The following ANO4 variants were observed in gnomAD, a reference collection of about 807,000 sequenced individuals.
ANO4 encodes anoctamin-4.
In ANO4, 69 loss-of-function variants were observed where a neutral mutation model predicts 141.9. The observed-to-expected ratio is 0.49, with a 90% CI of 0.40 to 0.59. The LOEUF (loss-of-function observed/expected upper bound fraction) is 0.59. Among genes scored for constraint, ANO4 ranks in the 20% least tolerant of loss-of-function variants. The probability of loss-of-function intolerance (pLI) is 0.00; values close to 1 mark genes in which losing one functional copy is unlikely to be tolerated. For missense variants in ANO4, 894 were observed against 1,162.2 expected (o/e 0.77, Z 3.36); for synonymous variants, 350 against 394.3 (o/e 0.89, Z 1.33).
chr12:100,857,703 C>T (rs753495554), intron 1 of ANO4, among the ~76,000 whole-genome samples: 14 of 152,058 alleles, frequency 9.2e-5, no homozygotes, highest in Admixed American at 2.0e-4. Context: ...CCTCTATATC[C>T]GCTGTGTTTG....
chr12:100,811,921 T>C (rs1384733928), intron 1 of ANO4, among the ~76,000 whole-genome samples: 1 of 152,192 alleles, frequency 6.6e-6, no homozygotes, highest in African/African-American at 2.4e-5. Flanking sequence ...TAGCACTAAC[T>C]GGCCCCTGTT....
At chr12:100,983,853 CAT>C (rs1353996926) in intron 7 of ANO4, among the ~76,000 whole-genome samples, 1 of 152,202 alleles carries the variant, frequency 6.6e-6, no homozygotes, top group East Asian at 1.9e-4. Flanking sequence ...TGCCATGTAA[CAT>C]AACATATTCA....
chr12:100,928,158 G>A (rs967133205), intron 3 of ANO4, among the ~76,000 whole-genome samples: 1 of 139,566 alleles, frequency 7.2e-6, no homozygotes, highest in African/African-American at 2.6e-5. Context: ...AGATGGCAGG[G>A]TATGGGGTAT....
chr12:100,813,436 G>T (rs569035022), intron 1 of ANO4, among the ~76,000 whole-genome samples: 1 of 152,068 alleles, frequency 6.6e-6, no homozygotes, highest in East Asian at 1.9e-4. Flanking sequence ...TCACCTTCCC[G>T]TTTACAATCC....
intron 3 of ANO4, among the ~76,000 whole-genome samples, chr12:100,775,772 C>G (rs2033480288): frequency 6.6e-6 from 1 of 152,048 alleles, no homozygotes; most frequent in African/African-American, 2.4e-5. Flanking sequence ...AACACCTAGT[C>G]CAGATTTTTT....
At chr12:101,015,229 TC>T (rs1439667470) in intron 8 of ANO4, among the ~76,000 whole-genome samples, 1 of 152,168 alleles carries the variant, frequency 6.6e-6, no homozygotes, top group Non-Finnish European at 1.5e-5. Flanking sequence ...CACCCAGTTC[TC>T]CCCAGAGGCA....
chr12:101,111,712 T>C lies in ANO4; in HGVS notation c.2450+2T>C, dbSNP rs752777791. 1 of 1,587,256 alleles carries C rather than the reference T, an allele frequency of 6.3e-7. No individual in the cohort carries two copies. The highest frequency in any genetic ancestry group is 8.5e-7 in the Non-Finnish European group (1 of 1,170,110). ...AGGCCAAGGAGAAGCTGGGCAAAAG[T>C]AAGTTTGCTATAAAACCACTATACA... is the stretch of plus-strand genomic sequence containing the variant. On this transcript the variant is annotated splice_donor_variant, in intron 24 of 27. Transcript: ENST00000392977. LOFTEE classifies it high-confidence loss of function.
intron 1 of ANO4, among the ~76,000 whole-genome samples, chr12:100,887,639 C>T (rs571943089): frequency 6.6e-6 from 1 of 152,204 alleles, no homozygotes; most frequent in South Asian, 2.1e-4. Context: ...AGACAGTGAG[C>T]TCATGAGTGC....
intron 9 of ANO4, among the ~76,000 whole-genome samples, chr12:101,023,648 C>G (rs150825016): frequency 6.6e-6 from 1 of 152,172 alleles, no homozygotes; most frequent in East Asian, 1.9e-4. Flanking sequence ...GCCTGGGCAA[C>G]AGAACAGGAG....
intron 1 of ANO4, among the ~76,000 whole-genome samples, chr12:100,866,869 T>C (rs1174146544): frequency 6.6e-6 from 1 of 152,242 alleles, no homozygotes; most frequent in East Asian, 1.9e-4. Flanking sequence ...ATACTGTTTA[T>C]GTAAAATGCT....
intron 1 of ANO4, among the ~76,000 whole-genome samples, chr12:100,732,400 C>T (rs1433664681): frequency 6.6e-6 from 1 of 151,784 alleles, no homozygotes; most frequent in Admixed American, 6.6e-5. Context: ...GTGATTGGCC[C>T]ATTTTTTTAA....
chr12:101,110,541 A>G lies in ANO4; in HGVS notation c.2287A>G (p.Arg763Gly), dbSNP rs2137013790. The G allele has an allele frequency of 6.3e-7, 1 of 1,595,370 alleles. No homozygotes were observed. The highest frequency in any genetic ancestry group is 1.2e-5 in the South Asian group (1 of 86,076). ...ACAGTGGAGGAGACCTTTAGCTTCA[A>G]GGGCCAAAGACATAGGTAAGTTGGA... is the stretch of plus-strand genomic sequence containing the variant. ...VTQWRRPLAS[R>G]AKDIGIWYGI... The change falls in exon 23 of 28, where the codon AGG (arginine) becomes GGG (glycine). Residue 763 changes from arginine (R) to glycine (G), a missense_variant. Arg to Gly is a moderately radical substitution (Grantham distance 125). This residue lies in a region of ANO4 where 637 missense variants were observed against 909.2 expected (regional missense o/e 0.70). Transcript: ENST00000392977.
intron 3 of ANO4, among the ~76,000 whole-genome samples, chr12:100,925,880 A>G (rs1377099662): frequency 2.6e-5 from 4 of 151,252 alleles, no homozygotes; most frequent in Non-Finnish European, 5.9e-5. Context: ...TGAGACCTTC[A>G]AGATCAAGCT....
chr12:100,965,852 C>G (rs2043629698), intron 5 of ANO4, among the ~76,000 whole-genome samples: 1 of 152,048 alleles, frequency 6.6e-6, no homozygotes, highest in Non-Finnish European at 1.5e-5. Flanking sequence ...TTTTTAAATA[C>G]TTTTCATAAT....
intron 1 of ANO4, among the ~76,000 whole-genome samples, chr12:100,822,418 T>A (rs1182630265): frequency 6.6e-6 from 1 of 152,020 alleles, no homozygotes; most frequent in African/African-American, 2.4e-5. Context: ...GACCATTTGT[T>A]TTAAGACTTA....
At chr12:101,074,356 C>G (rs921314749) in intron 14 of ANO4, among the ~76,000 whole-genome samples, 1 of 152,198 alleles carries the variant, frequency 6.6e-6, no homozygotes, top group African/African-American at 2.4e-5. Context: ...ACTGGGTCAC[C>G]TGGGTTCTAC....
Position 100,740,349 on chromosome 12 carries a change from A to G in ANO4, c.358+244A>G, listed in dbSNP as rs143615970. On this transcript the variant is annotated intron_variant, in intron 3 of 29. Coordinates refer to the ANO4 transcript ENST00000644049. The stretch of plus-strand genomic sequence containing the variant: ...CACCTCAGCCTCCTGAGTAGCTGGG[A>G]CTACAGGCACGCACACCACCATGCC... 9.2e-5 allele frequency among the ~76,000 whole-genome samples: 14 copies of G among 152,104 alleles called. No individual in the cohort carries two copies. The South Asian group carries it at 2.7e-3, about 29-fold the overall frequency.
chr12:100,798,154 G>A lies in ANO4; in HGVS notation c.-141+3127G>A, dbSNP rs148867770. Among the ~76,000 whole-genome samples the A allele has an allele frequency of 5.4e-3, 824 of 152,256 alleles. 10 individuals are homozygous for A. The highest frequency in any genetic ancestry group is 0.019 in the African/African-American group (783 of 41,540). On this transcript the variant is annotated intron_variant, in intron 1 of 27. Transcript: ENST00000392977. The stretch of plus-strand genomic sequence containing the variant: ...GTCTAAAAGGTCTTTGTGTTAAGAG[G>A]GGGAGTTTATGGGTGTTATAAAGTA...
At chr12:101,040,929 G>A (rs1441361817) in intron 11 of ANO4, among the ~76,000 whole-genome samples, 3 of 152,128 alleles carry the variant, frequency 2.0e-5, no homozygotes, top group Admixed American at 6.5e-5. Context: ...CAAAGGACAT[G>A]AACTCATCCT....
Sources: gnomAD v4.1 joint callset for allele counts (sites outside exome capture counted in the v4.1 genomes callset) on GRCh38, gnomAD v4.1.1 for gene constraint, gnomAD v4.1.1 regional missense constraint, MANE v1.5 for transcripts, NCBI Gene and HGNC (gene_info 2026-07-23, HGNC 2026-07-21) for gene names.